Variants in DENND1B observed in about 807,000 individuals in gnomAD.
The protein encoded by DENND1B is DENN domain containing 1B, also known as DENN domain-containing protein 1B.
In DENND1B, 59 loss-of-function variants were observed where a neutral mutation model predicts 90.1. That is an observed-to-expected ratio of 0.65 (90% CI 0.53 to 0.81). DENND1B has a LOEUF of 0.81. Among genes scored for constraint, DENND1B ranks in the 40% least tolerant of loss-of-function variants. The pLI is 0.00. For synonymous variants in DENND1B, 337 were observed against 324.6 expected, an observed-to-expected ratio of 1.04 and a Z score of -0.41; for missense variants, 862 against 912.6, an observed-to-expected ratio of 0.94 and a Z score of 0.71.
intron 20 of DENND1B, among the ~76,000 whole-genome samples, chr1:197,522,370 C>T (rs1361626094): frequency 2.0e-5 from 3 of 152,094 alleles, no homozygotes; most frequent in African/African-American, 4.8e-5. Context: ...GAGCAGGTGA[C>T]TGCTATGTGA....
intron 20 of DENND1B, among the ~76,000 whole-genome samples, chr1:197,514,851 C>T (rs1193266174): frequency 6.6e-6 from 1 of 151,526 alleles, no homozygotes; most frequent in Non-Finnish European, 1.5e-5. Flanking sequence ...CTCATTTCAA[C>T]TTAGAATTTT....
intron 12 of DENND1B, among the ~76,000 whole-genome samples, chr1:197,607,449 T>C (rs145690237): frequency 5.0e-4 from 75 of 150,988 alleles, no homozygotes; most frequent in African/African-American, 1.8e-3. Context: ...ATAGGCACAG[T>C]TATATCAAAC....
At position 197,597,751 on chromosome 1, in the gene DENND1B, C is replaced by T. The variant is rs528098348; in HGVS notation, c.922-2418G>A. On this transcript the variant is annotated intron_variant, in intron 13 of 22. Transcript: ENST00000620048. ...ACTAGTCAATGATAGCTCCTGAGAT[C>T]CCTGTGGATGTGTAGAAAATAGGAA... Among the ~76,000 whole-genome samples, 82 of 151,910 alleles carry T rather than the reference C, an allele frequency of 5.4e-4. 2 individuals are homozygous for T. The South Asian group carries it at 0.017, about 31-fold the overall frequency.
intron 13 of DENND1B, among the ~76,000 whole-genome samples, chr1:197,600,155 A>G (rs1412874740): frequency 1.3e-5 from 2 of 151,846 alleles, no homozygotes; most frequent in African/African-American, 4.8e-5. Flanking sequence ...CTGGACCACA[A>G]AAGGCTGATC....
At chr1:197,707,847 G>A (rs1386289485) in intron 3 of DENND1B, among the ~76,000 whole-genome samples, 1 of 147,616 alleles carries the variant, frequency 6.8e-6, no homozygotes. Flanking sequence ...GTGCCAGACA[G>A]TGGGCGCAGG....
chr1:197,602,463 A>G (rs1370970057), intron 13 of DENND1B, among the ~76,000 whole-genome samples: 2 of 151,518 alleles, frequency 1.3e-5, no homozygotes, highest in Non-Finnish European at 3.0e-5. Context: ...CTAGAAGCTG[A>G]ATGAATCTTT....
At chr1:197,708,085 G>C (rs1327300569) in intron 3 of DENND1B, among the ~76,000 whole-genome samples, 2 of 136,912 alleles carry the variant, frequency 1.5e-5, no homozygotes, top group Admixed American at 7.6e-5. Flanking sequence ...CTACGCCCAC[G>C]GAATCGCGCT....
At chr1:197,518,473 G>C (rs780908202) in intron 20 of DENND1B, among the ~76,000 whole-genome samples, 1 of 151,862 alleles carries the variant, frequency 6.6e-6, no homozygotes, top group Non-Finnish European at 1.5e-5. Context: ...CCTTTTTCTA[G>C]AAAACCAGGA....
At chr1:197,727,459 C>T (rs918886290) in intron 2 of DENND1B, among the ~76,000 whole-genome samples, 22 of 151,104 alleles carry the variant, frequency 1.5e-4, no homozygotes, top group Non-Finnish European at 2.7e-4. Context: ...GGCGTGAACC[C>T]GGGAGGCGGA....
chr1:197,574,647 A>G (rs367887843), intron 15 of DENND1B, among the ~76,000 whole-genome samples: 3 of 152,182 alleles, frequency 2.0e-5, no homozygotes, highest in Non-Finnish European at 4.4e-5. Flanking sequence ...AATCCTAAGC[A>G]AAAAGAACAA....
intron 16 of DENND1B, among the ~76,000 whole-genome samples, chr1:197,551,826 A>G (rs1233785929): frequency 6.6e-6 from 1 of 152,170 alleles, no homozygotes; most frequent in Non-Finnish European, 1.5e-5. Flanking sequence ...TTTAACACAA[A>G]AGTTCCATTG....
intron 2 of DENND1B, among the ~76,000 whole-genome samples, chr1:197,746,455 C>A (rs1208540004): frequency 1.3e-5 from 2 of 152,008 alleles, no homozygotes; most frequent in Non-Finnish European, 2.9e-5. Flanking sequence ...CGAAAAACAG[C>A]AAAACTGATT....
intron 21 of DENND1B, among the ~76,000 whole-genome samples, chr1:197,512,500 A>G (rs1458246333): frequency 6.6e-6 from 1 of 151,612 alleles, no homozygotes; most frequent in Non-Finnish European, 1.5e-5. Context: ...CATAGACTTA[A>G]GTCTACTGTA....
At chr1:197,749,966 C>G (rs911424691) in intron 2 of DENND1B, among the ~76,000 whole-genome samples, 2 of 152,082 alleles carry the variant, frequency 1.3e-5, no homozygotes, top group African/African-American at 4.8e-5. Context: ...TTCCCCTAAG[C>G]CTCCAGAGTA....
intron 10 of DENND1B, among the ~76,000 whole-genome samples, chr1:197,636,100 A>G (rs1679766102): frequency 6.6e-6 from 1 of 152,152 alleles, no homozygotes; most frequent in South Asian, 2.1e-4. Context: ...ATAGTTTTTT[A>G]CCAGACTTAG....
chr1:197,778,696 A>G (rs76013555), upstream of DENND1B, among the ~76,000 whole-genome samples: 58 of 152,154 alleles, frequency 3.8e-4, no homozygotes, highest in African/African-American at 1.3e-3. Flanking sequence ...AAAAAAAAAA[A>G]AGAGAGAAAA....
At chr1:197,512,457 A>G (rs902578534) in intron 21 of DENND1B, among the ~76,000 whole-genome samples, 3 of 151,652 alleles carry the variant, frequency 2.0e-5, no homozygotes, top group African/African-American at 7.3e-5. Context: ...AATTTTTAAC[A>G]CTTTTTATTA....
intron 16 of DENND1B, among the ~76,000 whole-genome samples, chr1:197,548,254 T>C (rs1670961662): frequency 6.6e-6 from 1 of 152,216 alleles, no homozygotes; most frequent in Non-Finnish European, 1.5e-5. Flanking sequence ...TGTACTTTTC[T>C]ACTGTAAAAT....
intron 15 of DENND1B, among the ~76,000 whole-genome samples, chr1:197,554,650 C>CT (rs1671548751): frequency 6.6e-6 from 1 of 151,422 alleles, no homozygotes; most frequent in Non-Finnish European, 1.5e-5. Flanking sequence ...CCATCCTAGC[C>CT]AACATGGTGA....
Sources: allele counts gnomAD v4.1 joint callset (sites outside exome capture counted in the v4.1 genomes callset), GRCh38; gene constraint gnomAD v4.1.1; transcripts MANE v1.5; gene names NCBI Gene and HGNC (gene_info 2026-07-23, HGNC 2026-07-21).